The following CNTNAP2 variants were observed in gnomAD, a reference collection of about 807,000 sequenced individuals.
CNTNAP2 encodes the protein contactin associated protein 2.
CNTNAP2 carries 98 observed loss-of-function variants against 155.2 expected under a neutral mutation model. That is an observed-to-expected ratio of 0.63 (90% CI 0.54 to 0.75). CNTNAP2 has a LOEUF of 0.75. Among genes scored for constraint, CNTNAP2 ranks in the 30% least tolerant of loss-of-function variants. CNTNAP2 has a pLI of 0.00. For missense variants in CNTNAP2, 1,727 were observed against 1,688.1 expected, an observed-to-expected ratio of 1.02 and a Z score of -0.40; for synonymous variants, 651 against 631.2, an observed-to-expected ratio of 1.03 and a Z score of -0.47.
chr7:148,090,639 T>C (rs769045980), intron 15 of CNTNAP2, among the ~76,000 whole-genome samples: 4 of 152,066 alleles, frequency 2.6e-5, no homozygotes, highest in Non-Finnish European at 4.4e-5. Context: ...CCATTACACA[T>C]TGTTGGTAGA....
At chr7:147,683,073 A>G (rs1009263503) in intron 13 of CNTNAP2, among the ~76,000 whole-genome samples, 2 of 151,892 alleles carry the variant, frequency 1.3e-5, no homozygotes, top group South Asian at 2.1e-4. Flanking sequence ...TCTATTGAAA[A>G]TTAATTCAAC....
chr7:148,009,826 C>T (rs12532284), intron 15 of CNTNAP2, among the ~76,000 whole-genome samples: 103,924 of 151,976 alleles, frequency 0.68, 36,164 homozygotes, highest in East Asian at 0.83. Flanking sequence ...GACTATACTA[C>T]ACTTCAAGTT....
intron 12 of CNTNAP2, among the ~76,000 whole-genome samples, chr7:147,584,336 A>T (rs1800576384): frequency 6.6e-6 from 1 of 152,204 alleles, no homozygotes; most frequent in African/African-American, 2.4e-5. Flanking sequence ...CCATCTGTAT[A>T]CATTTATTAG....
intron 1 of CNTNAP2, among the ~76,000 whole-genome samples, chr7:146,322,431 C>T (rs1016547624): frequency 3.3e-5 from 5 of 152,054 alleles, no homozygotes; most frequent in Admixed American, 1.3e-4. Flanking sequence ...ATAATGTTTT[C>T]ACTGGAAACG....
chr7:146,682,036 T>C (rs750247804), intron 1 of CNTNAP2, among the ~76,000 whole-genome samples: 1 of 152,192 alleles, frequency 6.6e-6, no homozygotes, highest in Non-Finnish European at 1.5e-5. Context: ...CATCATCATA[T>C]ATCATCACTT....
At chr7:147,463,752 C>T (rs760855694) in intron 10 of CNTNAP2, among the ~76,000 whole-genome samples, 20 of 152,120 alleles carry the variant, frequency 1.3e-4, no homozygotes, top group African/African-American at 3.9e-4. Flanking sequence ...ACAAACATTG[C>T]CTTCCAAACG....
intron 3 of CNTNAP2, among the ~76,000 whole-genome samples, chr7:146,887,151 T>G (rs1322892475): frequency 6.6e-6 from 1 of 151,998 alleles, no homozygotes; most frequent in Non-Finnish European, 1.5e-5. Context: ...TTTTTTTGTT[T>G]GTTTGTTTGT....
intron 21 of CNTNAP2, among the ~76,000 whole-genome samples, chr7:148,288,867 A>C (rs1797139148): frequency 6.8e-6 from 1 of 147,506 alleles, no homozygotes; most frequent in South Asian, 2.2e-4. Context: ...TGAGGTTGGC[A>C]TGGGGACCTG....
chr7:146,544,807 T>C (rs549588270), intron 1 of CNTNAP2, among the ~76,000 whole-genome samples: 3 of 151,922 alleles, frequency 2.0e-5, no homozygotes, highest in Admixed American at 1.3e-4. Flanking sequence ...CTAAGGAAGA[T>C]TGCAAACCAG....
intron 13 of CNTNAP2, among the ~76,000 whole-genome samples, chr7:147,876,748 G>A (rs1430019276): frequency 6.6e-6 from 1 of 152,064 alleles, no homozygotes; most frequent in Non-Finnish European, 1.5e-5. Context: ...AACGTAGGGT[G>A]CTTATTATTG....
chr7:146,141,215 A>G (rs527581680), intron 1 of CNTNAP2, among the ~76,000 whole-genome samples: 2 of 152,186 alleles, frequency 1.3e-5, no homozygotes, highest in African/African-American at 2.4e-5. Flanking sequence ...GTGTCAGCCT[A>G]CATTTGTCGT....
intron 9 of CNTNAP2, among the ~76,000 whole-genome samples, chr7:147,361,388 G>C (rs1382184008): frequency 1.3e-5 from 2 of 152,128 alleles, no homozygotes; most frequent in Non-Finnish European, 2.9e-5. Context: ...TTTTCAACAA[G>C]ATGTTCCATT....
intron 13 of CNTNAP2, among the ~76,000 whole-genome samples, chr7:147,865,321 C>A (rs990747789): frequency 6.6e-6 from 1 of 152,096 alleles, no homozygotes; most frequent in Non-Finnish European, 1.5e-5. Flanking sequence ...CTGCTGGATT[C>A]GGTTTGCCAG....
At chr7:147,466,804 G>C (rs1798128590) in intron 10 of CNTNAP2, among the ~76,000 whole-genome samples, 1 of 152,148 alleles carries the variant, frequency 6.6e-6, no homozygotes, top group African/African-American at 2.4e-5. Flanking sequence ...TGTAATCCCA[G>C]CTACTGGGGA....
chr7:146,714,354 T>A (rs1286495044), intron 1 of CNTNAP2, among the ~76,000 whole-genome samples: 6 of 152,218 alleles, frequency 3.9e-5, no homozygotes, highest in Admixed American at 1.3e-4. Flanking sequence ...TATTTGCCTT[T>A]GAGTAGACCA....
intron 3 of CNTNAP2, among the ~76,000 whole-genome samples, chr7:146,957,351 A>C (rs376894686): frequency 1.3e-5 from 2 of 152,246 alleles, no homozygotes; most frequent in African/African-American, 4.8e-5. Context: ...CCTATAATCT[A>C]TGGAATCACC....
chr7:146,530,724 CAG>C (rs1251357997), intron 1 of CNTNAP2, among the ~76,000 whole-genome samples: 3 of 152,186 alleles, frequency 2.0e-5, no homozygotes, highest in Non-Finnish European at 4.4e-5. Flanking sequence ...CAAAAAATAA[CAG>C]ATGCTGGTGA....
chr7:146,540,404 A>G (rs1337435945), intron 1 of CNTNAP2, among the ~76,000 whole-genome samples: 2 of 152,050 alleles, frequency 1.3e-5, no homozygotes, highest in African/African-American at 4.8e-5. Flanking sequence ...GCCAGACATC[A>G]CATCAAGAAA....
At chr7:146,828,263 AAATGGTGTAAATAATATGCCCCCTATATT>A (rs1563248863) in intron 2 of CNTNAP2, among the ~76,000 whole-genome samples, 1 of 152,104 alleles carries the variant, frequency 6.6e-6, no homozygotes, top group Non-Finnish European at 1.5e-5. Context: ...TGGTGTAAAT[AAATGGTGTAAATAATATGCCCCCTATATT>A]AATAAAACAG....
Sources: allele counts gnomAD v4.1 joint callset (sites outside exome capture counted in the v4.1 genomes callset), GRCh38; gene constraint gnomAD v4.1.1; transcripts MANE v1.5; gene names NCBI Gene and HGNC (gene_info 2026-07-23, HGNC 2026-07-21).